The following LINC00237 variants were observed in gnomAD, a reference collection of about 807,000 sequenced individuals.
LINC00237 encodes long intergenic non-protein coding RNA 237.
chr20:21,091,656 A>C (rs547286421), intron 2 of LINC00237, among the ~76,000 whole-genome samples: 1 of 152,328 alleles, frequency 6.6e-6, no homozygotes, highest in African/African-American at 2.4e-5. Flanking sequence ...GTCTCAACCA[A>C]ATACTAAAAA....
chr20:21,093,914 C>T (rs1461898734), intron 1 of LINC00237: 4 of 152,226 alleles, frequency 2.6e-5, no homozygotes, highest in Non-Finnish European at 5.9e-5. Context: ...ACCAGAGATT[C>T]AAATGTATAC....
At chr20:21,096,776 G>A (rs1474119514) in intron 1 of LINC00237, among the ~76,000 whole-genome samples, 2 of 152,194 alleles carry the variant, frequency 1.3e-5, no homozygotes, top group African/African-American at 2.4e-5. Context: ...AGCCGTTGGA[G>A]GCCCTCTCAG....
intron 1 of LINC00237, among the ~76,000 whole-genome samples, chr20:21,102,966 G>C (rs905423628): frequency 6.6e-6 from 1 of 152,224 alleles, no homozygotes; most frequent in Non-Finnish European, 1.5e-5. Context: ...TCAGCAGCTG[G>C]ACCCGGAAGC....
intron 3 of LINC00237, among the ~76,000 whole-genome samples, chr20:21,086,975 C>CTATATGTACTATAGTACATATATAGTACA (rs2030719927): frequency 7.2e-6 from 1 of 139,056 alleles, no homozygotes; most frequent in Admixed American, 7.3e-5. Context: ...TATATACACT[C>CTATATGTACTATAGTACATATATAGTACA]TATATGTACT....
intron 1 of LINC00237, among the ~76,000 whole-genome samples, chr20:21,096,214 G>T (rs1352976153): frequency 6.6e-6 from 1 of 152,218 alleles, no homozygotes; most frequent in African/African-American, 2.4e-5. Flanking sequence ...AAAATTTGCA[G>T]TTCTTCAAAC....
intron 3 of LINC00237, among the ~76,000 whole-genome samples, chr20:21,087,031 G>C (rs115417604): frequency 0.014 from 1,982 of 141,588 alleles, 50 homozygotes; most frequent in African/African-American, 0.048. Flanking sequence ...ACTCTATATA[G>C]TATATAGAGT....
chr20:21,089,924 A>G (rs901344711), intron 2 of LINC00237: 15 of 152,256 alleles, frequency 9.9e-5, no homozygotes, highest in African/African-American at 3.4e-4. Context: ...CCATTTCCAC[A>G]TTAAAAGGGT....
exon 4 of LINC00237, among the ~76,000 whole-genome samples, chr20:21,085,649 T>C (rs2030681447): frequency 6.6e-6 from 1 of 152,090 alleles, no homozygotes; most frequent in Admixed American, 6.5e-5. Flanking sequence ...GATAGGAGTG[T>C]GGTTATCTTT....
chr20:21,086,228 C>T (rs1001540315), intron 3 of LINC00237, among the ~76,000 whole-genome samples: 2 of 152,088 alleles, frequency 1.3e-5, no homozygotes, highest in African/African-American at 4.8e-5. Context: ...TAGAACAAAA[C>T]CTGTTAGTGC....
intron 2 of LINC00237, among the ~76,000 whole-genome samples, chr20:21,088,499 CT>C (rs1486390196): frequency 1.3e-5 from 2 of 152,194 alleles, no homozygotes; most frequent in African/African-American, 4.8e-5. Context: ...TCCAGCTATT[CT>C]TTCTCAGGAC....
At chr20:21,097,035 C>T (rs2030867704) in intron 1 of LINC00237, among the ~76,000 whole-genome samples, 2 of 152,290 alleles carry the variant, frequency 1.3e-5, no homozygotes, top group Admixed American at 6.5e-5. Flanking sequence ...GGATTGGAAT[C>T]CTAGCCAGGA....
In LINC00237 at chr20:21,101,009, C is replaced by T. The variant is rs1428346690; in HGVS notation, n.88+5262G>A. Among the ~76,000 whole-genome samples the T allele has an allele frequency of 6.6e-6, 1 of 152,142 alleles. No homozygotes were observed. The highest frequency in any genetic ancestry group is 2.4e-5 in the African/African-American group (1 of 41,432). On this transcript the variant is annotated intron_variant and non_coding_transcript_variant, in intron 1 of 3. Coordinates refer to ENST00000691244, the Ensembl canonical transcript of LINC00237. This position sits in a 1 kb window ranked among gnomAD's most constrained non-coding sequence, Gnocchi z 4.3. ...AAGCCAGACAACAATATCAATTAAT[C>T]ATGCAGCGGGCAAACAAGGAGATTT...
At chr20:21,105,070 C>T (rs1010908687) in intron 1 of LINC00237, among the ~76,000 whole-genome samples, 6 of 152,296 alleles carry the variant, frequency 3.9e-5, no homozygotes, top group Admixed American at 2.0e-4. Context: ...GCCCGAAGCA[C>T]CGGACACCAG....
chr20:21,092,761 A>G (rs563202632), intron 2 of LINC00237: 29 of 152,362 alleles, frequency 1.9e-4, no homozygotes, highest in Non-Finnish European at 2.9e-4. Context: ...CTACAAGAAC[A>G]GTGGTGTGAT....
At chr20:21,091,179 T>TCACA (rs113867216) in intron 2 of LINC00237, among the ~76,000 whole-genome samples, 26,814 of 151,246 alleles carry the variant, frequency 0.18, 2,756 homozygotes, top group East Asian at 0.31. Flanking sequence ...TCACTCACAC[T>TCACA]CACACACACA....
intron 3 of LINC00237, among the ~76,000 whole-genome samples, chr20:21,086,070 T>C (rs1286996901): frequency 6.6e-6 from 1 of 152,232 alleles, no homozygotes; most frequent in Non-Finnish European, 1.5e-5. Flanking sequence ...GTAAAGGGAC[T>C]CTAAGCAAAC....
chr20:21,104,533 C>T (rs947152998), intron 1 of LINC00237, among the ~76,000 whole-genome samples: 9 of 152,248 alleles, frequency 5.9e-5, no homozygotes, highest in Non-Finnish European at 1.3e-4. Flanking sequence ...CAGAGAGGTG[C>T]GGCCCCTGGA....
chr20:21,086,779 TG>T (rs2030712274), intron 3 of LINC00237, among the ~76,000 whole-genome samples: 1 of 119,256 alleles, frequency 8.4e-6, no homozygotes, highest in African/African-American at 3.1e-5. Flanking sequence ...ATACTATACA[TG>T]TACTATATAT....
At chr20:21,092,798 C>A (rs1568885082) in intron 2 of LINC00237, 1 of 152,016 alleles carries the variant, frequency 6.6e-6, no homozygotes, top group African/African-American at 2.4e-5. Context: ...AACTAACCCC[C>A]AAAAAAGAGC....
Sources: gnomAD v4.1 joint callset for allele counts (sites outside exome capture counted in the v4.1 genomes callset) on GRCh38, gnomAD v4.1.1 for gene constraint, Gnocchi (gnomAD v3.1) non-coding constraint, MANE v1.5 for transcripts, NCBI Gene and HGNC (gene_info 2026-07-23, HGNC 2026-07-21) for gene names.